TSPOAP1: variants seen among roughly 807,000 people sequenced by gnomAD.
The protein encoded by TSPOAP1 is peripheral-type benzodiazepine receptor-associated protein 1.
TSPOAP1 carries 87 observed loss-of-function variants against 197.0 expected under a neutral mutation model. The ratio of observed to expected loss-of-function variants is 0.44; its 90% confidence interval spans 0.37 to 0.53. The LOEUF (loss-of-function observed/expected upper bound fraction) is 0.53, where lower values mean the gene tolerates loss of function less well. Ranked by LOEUF, TSPOAP1 falls within the 20% of genes least tolerant of loss-of-function variation. The pLI is 0.00. For missense variants in TSPOAP1, 2,174 were observed against 2,411.3 expected, an observed-to-expected ratio of 0.90 and a Z score of 2.06; for synonymous variants, 913 against 998.9, an observed-to-expected ratio of 0.91 and a Z score of 1.62.
At position 58,319,135 on chromosome 17, in the gene TSPOAP1, A is replaced by G; in HGVS notation, c.1654T>C (p.Cys552Arg). 1 of 1,549,796 alleles carries G rather than the reference A, an allele frequency of 6.5e-7. No homozygotes were observed. Among genetic ancestry groups the G allele is most frequent in the Non-Finnish European group, 8.7e-7 (1 of 1,144,562 alleles). Residue 552 changes from cysteine to arginine, a missense_variant, in exon 13 of 32, where the codon TGC becomes CGC. Around this residue, in one of 5 missense-constraint regions of TSPOAP1, gnomAD observed 1,933 missense variants for 2,139.0 expected, o/e 0.90. Coordinates refer to ENST00000343736, the MANE Select transcript of TSPOAP1 (RefSeq NM_004758.4). ...CAAGGCTGGGGAATGGAGCAGCAGCAGGGGGGTGGTGGGCAGTCTCCAAGG... is the reference window on the plus strand; with the variant it reads ...CAAGGCTGGGGAATGGAGCAGCAGCGGGGGGGTGGTGGGCAGTCTCCAAGG... ...GSLGDCPPPP[C>R]CCSIPQPCRG...
At chr17:58,319,928 C>G (rs1306525475) in intron 12 of TSPOAP1, among the ~76,000 whole-genome samples, 181 bp downstream of exon 12, 1 of 149,710 alleles carries the variant, frequency 6.7e-6, no homozygotes, top group Non-Finnish European at 1.5e-5. Flanking sequence ...CGGCGGCAGG[C>G]CTGGGACAAG....
In TSPOAP1 at chr17:58,310,553, G is replaced by T. The variant is rs1431380142; in HGVS notation, c.3658C>A (p.Gln1220Lys). The change falls in exon 20 of 32, where the codon CAA becomes AAA. Residue 1220 changes from glutamine (Q) to lysine (K), a missense_variant. This residue lies in a region of TSPOAP1 where 1,933 missense variants were observed against 2,139.0 expected (regional missense o/e 0.90). Transcript: ENST00000343736. ...AGCCCAGACCCTGGGTCTCCTCCTT[G>T]GCACATCTCGGTATTTGGCGCCTGC... ...AQQAPNTEMC[Q>K]GGDPGSGLRP... 2 of 1,613,374 alleles carry T rather than the reference G, an allele frequency of 1.2e-6. No homozygotes were observed. Among genetic ancestry groups the T allele is most frequent in the South Asian group, 1.1e-5 (1 of 91,078 alleles).
Position 58,306,987 on chromosome 17 carries a change from G to T in TSPOAP1, c.4984-19C>A. 6.2e-7 allele frequency: 1 copy of T among 1,608,444 alleles called. No individual in the cohort carries two copies. The highest frequency in any genetic ancestry group is 1.1e-5 in the South Asian group (1 of 91,020). On this transcript the variant is annotated intron_variant, in intron 24 of 31. Coordinates refer to ENST00000343736, the MANE Select transcript of TSPOAP1 (RefSeq NM_004758.4). ...CAAACACCTGGAGGCAAAACCAGTG[G>T]TCTCAGCCAGTTCTGCTCACTCCCT...
At chr17:58,321,451 C>T (rs1971402793) in intron 10 of TSPOAP1, among the ~76,000 whole-genome samples, 1 of 152,122 alleles carries the variant, frequency 6.6e-6, no homozygotes, top group Non-Finnish European at 1.5e-5. Context: ...GGGCCCGCCA[C>T]CATGTCAGGT....
At position 58,306,841 on chromosome 17, in the gene TSPOAP1, T is replaced by C. The variant is rs375530357; in HGVS notation, c.5111A>G (p.Gln1704Arg). The C allele has an allele frequency of 6.2e-7, 1 of 1,613,866 alleles. No individual in the cohort carries two copies. The highest frequency in any genetic ancestry group is 8.5e-7 in the Non-Finnish European group (1 of 1,179,962). The change falls in exon 25 of 32, where the codon CAG becomes CGG. Residue 1704 changes from glutamine (Q) to arginine (R), a missense_variant. Coordinates refer to ENST00000343736, the MANE Select transcript of TSPOAP1 (RefSeq NM_004758.4). Reference protein sequence around the residue: ...DSPAGRQQLLQRGYLSPDILL... With the variant: ...DSPAGRQQLLRRGYLSPDILL... The stretch of plus-strand genomic sequence containing the variant: ...AATATCTGGGGACAAATAACCCCGC[T>C]GGAGCAGTTGCTGTCTCCCAGCAGG...
Position 58,324,729 on chromosome 17 carries a change from C to G in TSPOAP1, c.942+82G>C. 1 of 1,222,704 alleles carries G rather than the reference C, an allele frequency of 8.2e-7. No homozygotes were observed. Among genetic ancestry groups the G allele is most frequent in the African/African-American group, 1.6e-5 (1 of 63,336 alleles). The allele number at this position is 1,222,704 out of a possible 1,614,324, so 75.7% of individuals were successfully genotyped here. A position where few individuals can be genotyped will look rare whatever the true frequency, so the allele number is the denominator to read the frequency against. On this transcript the variant is annotated intron_variant, in intron 5 of 31. Transcript: ENST00000343736. This position sits in a 1 kb window ranked among gnomAD's most constrained non-coding sequence, Gnocchi z 5.8. The stretch of plus-strand genomic sequence containing the variant: ...ACCACTGAGTCCTTGGGGTTCTGAG[C>G]ACGGTGCAGGGGAGATCCCGGTGGT...
intron 26 of TSPOAP1, 143 bp downstream of exon 26, chr17:58,306,198 AG>A (rs1970884110): frequency 1.1e-6 from 1 of 871,608 alleles, no homozygotes; most frequent in Non-Finnish European, 1.9e-6. Flanking sequence ...AAAAACCCAG[AG>A]GTGCCTCCCC....
chr17:58,320,075 G>A, intron 12 of TSPOAP1, 34 bp downstream of exon 12: 1 of 1,614,026 alleles, frequency 6.2e-7, no homozygotes, highest in Non-Finnish European at 8.5e-7. Context: ...AGCCAGCCTG[G>A]AGAGGTGTGG....
rs1299634870 is a variant in TSPOAP1, at chr17:58,310,430, G to A, written c.3699+82C>T. ...ACCAGAGCAGAGGACAGGCAGAGAG[G>A]GCAACTGGATTTGCGCTGGCAAAAG... On this transcript the variant is annotated intron_variant, in intron 20 of 31. Transcript: ENST00000343736. 78 of 1,566,608 alleles carry A rather than the reference G, an allele frequency of 5.0e-5. 1 individual carries two copies. Among genetic ancestry groups the A allele is most frequent in the Non-Finnish European group, 2.6e-6 (3 of 1,153,126 alleles).
intron 1 of TSPOAP1, among the ~76,000 whole-genome samples, chr17:58,327,140 A>T (rs901025561): frequency 3.3e-5 from 5 of 151,512 alleles, no homozygotes; most frequent in African/African-American, 1.2e-4. Flanking sequence ...CTTCTACAGG[A>T]GCCTGCTCAC....
intron 18 of TSPOAP1, 60 bp from the exon 19 acceptor site, chr17:58,311,273 T>A: frequency 6.3e-7 from 1 of 1,585,464 alleles, no homozygotes; most frequent in South Asian, 1.1e-5. Context: ...AGCGTGAGGA[T>A]GCACTGACAG....
rs879331533 is a variant in TSPOAP1, at chr17:58,322,177, A to G, written c.1422+131T>C. ...ATGCTAATTTGCTGACTGCTCAGGG[A>G]CCTGGTCTTTGTTCCCCACAGTCTC... On this transcript the variant is annotated intron_variant, in intron 10 of 31. Transcript: ENST00000343736. This position sits in a 1 kb window ranked among gnomAD's most constrained non-coding sequence, Gnocchi z 5.0. The G allele has an allele frequency of 1.3e-5, 11 of 861,044 alleles. No individual in the cohort carries two copies. Among genetic ancestry groups the G allele is most frequent in the Non-Finnish European group, 2.0e-5 (11 of 552,072 alleles). 53.3% of individuals were successfully genotyped at this position (861,044 alleles called of 1,614,324 possible).
In TSPOAP1 at chr17:58,326,876, T is replaced by C. The variant is rs779537949; in HGVS notation, c.334-86A>G. The C allele has an allele frequency of 3.5e-6, 4 of 1,144,650 alleles. No individual in the cohort carries two copies. Among genetic ancestry groups the C allele is most frequent in the African/African-American group, 1.5e-5 (1 of 65,578 alleles). The allele number at this position is 1,144,650 out of a possible 1,614,324, so 70.9% of individuals were successfully genotyped here. On this transcript the variant is annotated intron_variant, in intron 1 of 31. Transcript: ENST00000343736. The surrounding 1 kb of genome is among the most constrained non-coding windows in gnomAD (Gnocchi z 4.7). ...TCCCTGTGGAAGCATCCACCATCCATGGTCCAAGGAGACATGGAGATGAAA... is the reference window on the plus strand; with the variant it reads ...TCCCTGTGGAAGCATCCACCATCCACGGTCCAAGGAGACATGGAGATGAAA...
chr17:58,312,706 G>A lies in TSPOAP1; in HGVS notation c.2115C>T (p.Gly705=), dbSNP rs779014273. ...AATTGGAAGGGACCAGGCCCCTTCG[G>A]CCATCCATGAGCTCTCCTGGCAGGA... The part of the protein sequence containing the change: ...DGFFEGELMD[G]RRGLVPSNFV... The change falls in exon 17 of 32, where the codon GGC becomes GGT. Residue 705 remains glycine, a synonymous_variant. Transcript: ENST00000343736. The A allele has an allele frequency of 8.7e-6, 14 of 1,613,032 alleles. No homozygotes were observed. The highest frequency in any genetic ancestry group is 1.7e-5 in the Admixed American group (1 of 59,952).
At chr17:58,305,894 C>T (rs895644504) in intron 26 of TSPOAP1, 29 bp from the exon 27 acceptor site, 1 of 1,601,850 alleles carries the variant, frequency 6.2e-7, no homozygotes, top group Non-Finnish European at 8.5e-7. Flanking sequence ...TGTGAGCCCC[C>T]TCCCACCCTG....
intron 25 of TSPOAP1, 103 bp downstream of exon 25, chr17:58,306,697 G>C: frequency 7.1e-7 from 1 of 1,403,536 alleles, no homozygotes; most frequent in Non-Finnish European, 9.7e-7. Context: ...CTCTGCTAGA[G>C]TCTGGGTAAG....
intron 10 of TSPOAP1, 68 bp from the exon 11 acceptor site, chr17:58,320,649 G>A (rs752648950): frequency 1.2e-4 from 147 of 1,216,684 alleles, no homozygotes; most frequent in Admixed American, 2.2e-4. Context: ...AGAGGGCTGC[G>A]AGGGAGGAAG....
intron 31 of TSPOAP1, 179 bp from the exon 32 acceptor site, chr17:58,302,626 G>A: frequency 3.4e-6 from 1 of 292,450 alleles, no homozygotes; most frequent in Non-Finnish European, 6.2e-6. Context: ...GTGGTGAATG[G>A]GGAGGGTGAT....
In TSPOAP1 at chr17:58,327,965, CAGCCAGGTGGGGGGACTGGCGAG is replaced by C; in HGVS notation, c.-68_-46del. 6.7e-7 allele frequency: 1 copy of C among 1,503,140 alleles called. No homozygotes were observed. The highest frequency in any genetic ancestry group is 9.0e-7 in the Non-Finnish European group (1 of 1,116,980). The allele number at this position is 1,503,140 out of a possible 1,614,324, so 93.1% of individuals were successfully genotyped here. ...AGAACCCGGGCCGGGGGACATCACC[CAGCCAGGTGGGGGGACTGGCGAG>C]GGTCATGCCAGGCCAGCCCCTCTCC... On this transcript the variant is annotated 5_prime_UTR_variant, in exon 1 of 32. An upstream open reading frame in the 5' UTR gains an earlier in-frame stop. Transcript: ENST00000343736.
Sources: gnomAD v4.1 joint callset for allele counts (sites outside exome capture counted in the v4.1 genomes callset) on GRCh38, gnomAD v4.1.1 for gene constraint, gnomAD v4.1.1 regional missense constraint, Gnocchi (gnomAD v3.1) non-coding constraint, MANE v1.5 for transcripts, NCBI Gene and HGNC (gene_info 2026-07-23, HGNC 2026-07-21) for gene names.